TBC1D16: variants seen among roughly 807,000 people sequenced by gnomAD.
TBC1D16 encodes TBC1 domain family member 16.
A neutral mutation model predicts 74.7 loss-of-function variants in TBC1D16; 58 were observed. The ratio of observed to expected loss-of-function variants is 0.78; its 90% CI spans 0.63 to 0.97. The LOEUF (loss-of-function observed/expected upper bound fraction) is 0.97, where lower values mean the gene tolerates loss of function less well. Ranked by LOEUF, TBC1D16 falls within the 50% of genes least tolerant of loss-of-function variation. The probability of loss-of-function intolerance (pLI) is 0.00; values close to 1 mark genes in which losing one functional copy is unlikely to be tolerated. For synonymous variants in TBC1D16, 493 were observed against 474.7 expected, an observed-to-expected ratio of 1.04 and a Z score of -0.50; for missense variants, 1,014 against 1,079.5, an observed-to-expected ratio of 0.94 and a Z score of 0.85.
rs1346973461 is a variant in TBC1D16, at chr17:79,985,119, T to C, written c.779+25041A>G. ...CCTCTGAAGGCTCCAGGCAAGAGTC[T>C]TTCCTGCCTCTTCCAGCTGGAGGTG... On this transcript the variant is annotated intron_variant, in intron 3 of 11. Transcript: ENST00000310924. This position sits in a 1 kb window ranked among gnomAD's most constrained non-coding sequence, Gnocchi z 4.9. Among the ~76,000 whole-genome samples, 1 of 152,180 alleles carries C rather than the reference T, an allele frequency of 6.6e-6. No homozygotes were observed. The highest frequency in any genetic ancestry group is 2.4e-5 in the African/African-American group (1 of 41,428).
chr17:79,979,899 G>C lies in TBC1D16; in HGVS notation c.780-27081C>G, dbSNP rs762770478. On this transcript the variant is annotated intron_variant, in intron 3 of 11. Transcript: ENST00000310924. This position sits in a 1 kb window ranked among gnomAD's most constrained non-coding sequence, Gnocchi z 4.8. ...CTGGCTTCCAGGTGGTGGGCTCTGC[G>C]GGCCAGAGCTTGGGGCGCAGGAGGC... Among the ~76,000 whole-genome samples, 1 of 152,066 alleles carries C rather than the reference G, an allele frequency of 6.6e-6. No individual in the cohort carries two copies. The highest frequency in any genetic ancestry group is 1.5e-5 in the Non-Finnish European group (1 of 68,006).
rs71387958 is a variant in TBC1D16 at position 79,933,678 on chromosome 17, T to C, written c.*7181A>G. The C allele has an allele frequency of 0.027, 4,076 of 152,174 alleles. 100 individuals are homozygous for C. The highest frequency in any genetic ancestry group is 0.1 in the Middle Eastern group (31 of 296). 9.4% of individuals were successfully genotyped at this position (152,174 alleles called of 1,614,324 possible). A position where few individuals can be genotyped will look rare whatever the true frequency, so the allele number is the denominator to read the frequency against. ...AGGGCAGCCAAAGGCCACGCAGAAA[T>C]TGGGGGTTCAAGGTTTGCCCAGCCG... On this transcript the variant is annotated 3_prime_UTR_variant, in exon 12 of 12. Coordinates refer to ENST00000310924, the MANE Select transcript of TBC1D16 (RefSeq NM_019020.4).
chr17:79,999,977 C>T (rs181098798), intron 3 of TBC1D16, among the ~76,000 whole-genome samples: 2 of 152,244 alleles, frequency 1.3e-5, no homozygotes, highest in South Asian at 2.1e-4. Context: ...TAGGGGTCGA[C>T]GAGGCTGGGC....
chr17:79,998,125 CA>C (rs901486919), intron 3 of TBC1D16, among the ~76,000 whole-genome samples: 3,301 of 52,018 alleles, frequency 0.063, 55 homozygotes, highest in African/African-American at 0.17. Context: ...AACTCTGTCT[CA>C]AAAAAAAAAA....
intron 3 of TBC1D16, among the ~76,000 whole-genome samples, chr17:79,982,940 T>C (rs1218864738): frequency 6.6e-6 from 1 of 152,190 alleles, no homozygotes; most frequent in Non-Finnish European, 1.5e-5. Context: ...TAATATGACA[T>C]TGAACTTCTT....
Position 79,956,027 on chromosome 17 carries a change from G to T in TBC1D16, c.780-3209C>A, listed in dbSNP as rs1395294162. Among the ~76,000 whole-genome samples, 3 of 152,118 alleles carry T rather than the reference G, an allele frequency of 2.0e-5. No individual in the cohort carries two copies. Among genetic ancestry groups the T allele is most frequent in the African/African-American group, 7.2e-5 (3 of 41,406 alleles). On this transcript the variant is annotated intron_variant, in intron 3 of 11. Transcript: ENST00000310924. The surrounding 1 kb of genome is among the most constrained non-coding windows in gnomAD (Gnocchi z 4.0). ...AGGCAGCCCCTCACTCTTCCTCTTGGCACAGTGCAGGCAAGACAGACAGAC... is the reference window on the plus strand; with the variant it reads ...AGGCAGCCCCTCACTCTTCCTCTTGTCACAGTGCAGGCAAGACAGACAGAC...
intron 3 of TBC1D16, among the ~76,000 whole-genome samples, chr17:79,982,335 G>A (rs1220821485): frequency 4.0e-5 from 6 of 151,188 alleles, no homozygotes; most frequent in Admixed American, 6.6e-5. Context: ...TGGTAGAGAC[G>A]GGGTTTCACC....
Position 79,993,373 on chromosome 17 carries a change from C to T in TBC1D16, c.779+16787G>A, listed in dbSNP as rs1034631077. 6.6e-6 allele frequency among the ~76,000 whole-genome samples: 1 copy of T among 152,186 alleles called. No homozygotes were observed. Among genetic ancestry groups the T allele is most frequent in the Non-Finnish European group, 1.5e-5 (1 of 68,040 alleles). Reference sequence around the variant, plus strand: ...GGTCAGGGAACCTTACTTTCAGGTCCCCAAAGCAGATTCCCTGAGGCCAGG... The same window carrying T: ...GGTCAGGGAACCTTACTTTCAGGTCTCCAAAGCAGATTCCCTGAGGCCAGG... On this transcript the variant is annotated intron_variant, in intron 3 of 11. Transcript: ENST00000310924. The surrounding 1 kb of genome is among the most constrained non-coding windows in gnomAD (Gnocchi z 5.1).
At chr17:80,031,650 A>G (rs766300333) in intron 1 of TBC1D16, among the ~76,000 whole-genome samples, 13 of 152,122 alleles carry the variant, frequency 8.5e-5, no homozygotes, top group Non-Finnish European at 1.8e-4. Context: ...CCATTTGTGC[A>G]CCCTTGATAG....
intron 3 of TBC1D16, among the ~76,000 whole-genome samples, chr17:79,972,446 G>T (rs1598369308): frequency 6.6e-6 from 1 of 152,198 alleles, no homozygotes; most frequent in South Asian, 2.1e-4. Flanking sequence ...AAAAAAAAGT[G>T]CTGGGATTGC....
rs1430439801 is a variant in TBC1D16 at position 79,942,060 on chromosome 17, C to T, written c.2055G>A (p.Lys685=). The T allele has an allele frequency of 1.2e-6, 2 of 1,609,936 alleles. No individual in the cohort carries two copies. The highest frequency in any genetic ancestry group is 1.7e-6 in the Non-Finnish European group (2 of 1,179,164). The part of the protein sequence containing the change: ...MHMNGELVLR[K]ARSLLYQFRL... ...GGGCCCACATCTGGGGCAGCCTCACCTTCCGGAGAACGAGCTCCCCGTTCA... is the reference window on the plus strand; with the variant it reads ...GGGCCCACATCTGGGGCAGCCTCACTTTCCGGAGAACGAGCTCCCCGTTCA... The change falls in exon 11 of 12, where the codon AAG becomes AAA. Residue 685 remains lysine, a splice_region_variant and synonymous_variant. Coordinates refer to ENST00000310924, the MANE Select transcript of TBC1D16 (RefSeq NM_019020.4).
At chr17:79,977,847 G>A (rs1450652136) in intron 3 of TBC1D16, among the ~76,000 whole-genome samples, 1 of 152,250 alleles carries the variant, frequency 6.6e-6, no homozygotes, top group African/African-American at 2.4e-5. Context: ...CCAGCCGGCT[G>A]TGCACGGGAG....
chr17:80,025,349 G>T (rs1308450401), intron 1 of TBC1D16, among the ~76,000 whole-genome samples: 1 of 384 alleles, frequency 2.6e-3, no homozygotes, highest in East Asian at 9.6e-3. Flanking sequence ...GGCGGATCCG[G>T]GGCCGCAGGA....
chr17:79,964,944 T>C (rs955481996), intron 3 of TBC1D16, among the ~76,000 whole-genome samples: 2 of 152,148 alleles, frequency 1.3e-5, no homozygotes, highest in Non-Finnish European at 2.9e-5. Flanking sequence ...AGTGTAGAAG[T>C]AGAAAATAAT....
chr17:79,948,803 C>T, intron 8 of TBC1D16, 69 bp downstream of exon 8: 1 of 1,601,622 alleles, frequency 6.2e-7, no homozygotes, highest in East Asian at 2.2e-5. Flanking sequence ...GGCTCATCCA[C>T]TTCCCAGAGC....
At position 79,980,896 on chromosome 17, in the gene TBC1D16, G is replaced by A. The variant is rs775553142; in HGVS notation, c.780-28078C>T. The stretch of plus-strand genomic sequence containing the variant: ...CTGTGAGTTGAGCCAGAGCTGACCG[G>A]GAGCTGCTGGGACCATGGCTAGGGG... On this transcript the variant is annotated intron_variant, in intron 3 of 11. Transcript: ENST00000310924. This position sits in a 1 kb window ranked among gnomAD's most constrained non-coding sequence, Gnocchi z 7.0. 2.0e-5 allele frequency among the ~76,000 whole-genome samples: 3 copies of A among 152,208 alleles called. No individual in the cohort carries two copies. The South Asian group carries it at 6.2e-4, about 32-fold the overall frequency.
At chr17:80,006,668 T>C (rs2035691022) in intron 3 of TBC1D16, among the ~76,000 whole-genome samples, 1 of 151,806 alleles carries the variant, frequency 6.6e-6, no homozygotes, top group South Asian at 2.1e-4. Context: ...TTCTTTCTTT[T>C]TTTTTTTCCA....
Position 79,941,569 on chromosome 17 carries a change from G to A in TBC1D16, c.2056-462C>T, listed in dbSNP as rs7213038. 1.3e-5 allele frequency among the ~76,000 whole-genome samples: 2 copies of A among 151,790 alleles called. No individual in the cohort carries two copies. Among genetic ancestry groups the A allele is most frequent in the South Asian group, 2.1e-4 (1 of 4,822 alleles). Reference sequence around the variant, plus strand: ...GGACACCACCGACCTCGGGACCCCCGCTCAGTGCCCTGAGGACCACCAGAG... The same window carrying A: ...GGACACCACCGACCTCGGGACCCCCACTCAGTGCCCTGAGGACCACCAGAG... On this transcript the variant is annotated intron_variant, in intron 11 of 11. Transcript: ENST00000310924. The surrounding 1 kb of genome is among the most constrained non-coding windows in gnomAD (Gnocchi z 4.3).
intron 1 of TBC1D16, among the ~76,000 whole-genome samples, chr17:80,024,575 G>GACACACACCACAC (rs1568648691): frequency 2.8e-5 from 1 of 35,218 alleles, no homozygotes; most frequent in Non-Finnish European, 6.3e-5. Flanking sequence ...ACACACCATA[G>GACACACACCACAC]GCACACACAC....
Sources: allele counts gnomAD v4.1 joint callset (sites outside exome capture counted in the v4.1 genomes callset), GRCh38; gene constraint gnomAD v4.1.1; non-coding constraint Gnocchi (gnomAD v3.1); transcripts MANE v1.5; gene names NCBI Gene and HGNC (gene_info 2026-07-23, HGNC 2026-07-21).